Variants in LRRTM4 observed in about 807,000 individuals in gnomAD.
LRRTM4 encodes leucine rich repeat transmembrane neuronal 4, also known as leucine-rich repeat transmembrane neuronal protein 4.
LRRTM4 carries 25 observed loss-of-function variants against 47.6 expected under a neutral mutation model. The observed-to-expected ratio is 0.53, with a 90% CI of 0.38 to 0.73. LRRTM4 has a LOEUF of 0.73. Ranked by LOEUF, LRRTM4 falls within the 30% of genes least tolerant of loss-of-function variation. The pLI is 0.00. For synonymous variants in LRRTM4, 311 were observed against 269.5 expected, an observed-to-expected ratio of 1.15 and a Z score of -1.51; for missense variants, 638 against 713.4, an observed-to-expected ratio of 0.89 and a Z score of 1.20.
At chr2:77,302,689 T>G (rs551012847) in intron 3 of LRRTM4, among the ~76,000 whole-genome samples, 75 of 152,204 alleles carry the variant, frequency 4.9e-4, no homozygotes, top group Non-Finnish European at 9.1e-4. Context: ...TAGAAGAAGC[T>G]ACTTGATGTA....
intron 3 of LRRTM4, among the ~76,000 whole-genome samples, chr2:77,034,797 T>C (rs2104153250): frequency 6.6e-6 from 1 of 152,084 alleles, no homozygotes; most frequent in South Asian, 2.1e-4. Flanking sequence ...TATTCAGTAA[T>C]CTTTTGAGGG....
intron 3 of LRRTM4, among the ~76,000 whole-genome samples, chr2:77,430,567 C>CA (rs200356086): frequency 0.042 from 6,150 of 147,650 alleles, 513 homozygotes; most frequent in African/African-American, 0.15. Flanking sequence ...ACTAAAAATA[C>CA]AAAATTAGAC....
At chr2:77,442,946 G>T (rs4145833) in intron 3 of LRRTM4, among the ~76,000 whole-genome samples, 101,924 of 151,962 alleles carry the variant, frequency 0.67, 34,494 homozygotes, top group Admixed American at 0.74. Flanking sequence ...ATATAATCTG[G>T]GTACATCATT....
chr2:77,146,527 T>A (rs1296200829), intron 3 of LRRTM4, among the ~76,000 whole-genome samples: 1 of 152,118 alleles, frequency 6.6e-6, no homozygotes, highest in Non-Finnish European at 1.5e-5. Flanking sequence ...TTCAACTGAG[T>A]CTTTGAAAAT....
intron 3 of LRRTM4, among the ~76,000 whole-genome samples, chr2:77,121,670 T>A (rs2103956452): frequency 6.6e-6 from 1 of 151,916 alleles, no homozygotes; most frequent in Non-Finnish European, 1.5e-5. Flanking sequence ...CAACCAGGGA[T>A]TCAGAATGGC....
intron 3 of LRRTM4, among the ~76,000 whole-genome samples, chr2:76,829,826 T>C (rs527596817): frequency 1.4e-4 from 21 of 152,166 alleles, no homozygotes; most frequent in African/African-American, 5.1e-4. Context: ...TGCATTTTAA[T>C]TCATCAGGGT....
intron 3 of LRRTM4, among the ~76,000 whole-genome samples, chr2:77,424,826 T>C (rs1429596570): frequency 6.6e-6 from 1 of 152,222 alleles, no homozygotes; most frequent in South Asian, 2.1e-4. Context: ...TATATTTGGC[T>C]ATAGACCCAG....
chr2:76,764,449 G>A (rs1199490145), intron 3 of LRRTM4, among the ~76,000 whole-genome samples: 1 of 152,094 alleles, frequency 6.6e-6, no homozygotes, highest in Admixed American at 6.5e-5. Context: ...GGCTAACACG[G>A]TGAAACCCTG....
At chr2:76,903,004 C>G (rs928692912) in intron 3 of LRRTM4, among the ~76,000 whole-genome samples, 1 of 152,082 alleles carries the variant, frequency 6.6e-6, no homozygotes, top group Non-Finnish European at 1.5e-5. Flanking sequence ...AACTGTCAAT[C>G]AAATTCCACA....
rs185947830 is a variant in LRRTM4 at position 77,145,898 on chromosome 2, A to G, written c.1551+372420T>C. Reference sequence around the variant, plus strand: ...AAAATATATTCTGAGCATGTGTTTCAAAGATTATTATTCTTTCGAAAAAAA... The same window carrying G: ...AAAATATATTCTGAGCATGTGTTTCGAAGATTATTATTCTTTCGAAAAAAA... On this transcript the variant is annotated intron_variant, in intron 3 of 3. Transcript: ENST00000409884. 9.7e-4 allele frequency among the ~76,000 whole-genome samples: 148 copies of G among 152,302 alleles called. 3 individuals carry two copies. The East Asian group carries it at 0.023, about 24-fold the overall frequency.
At chr2:76,786,957 C>T (rs76258903) in intron 3 of LRRTM4, among the ~76,000 whole-genome samples, 2,633 of 151,984 alleles carry the variant, frequency 0.017, 72 homozygotes, top group African/African-American at 0.057. Context: ...TTGTTAGGCA[C>T]AAAATTTACC....
At chr2:76,966,510 C>T (rs1490401085) in intron 3 of LRRTM4, among the ~76,000 whole-genome samples, 1 of 151,408 alleles carries the variant, frequency 6.6e-6, no homozygotes, top group Non-Finnish European at 1.5e-5. Context: ...AAGGCTCTTT[C>T]ACTTCTAAAA....
intron 3 of LRRTM4, among the ~76,000 whole-genome samples, chr2:77,275,856 T>C (rs1676331871): frequency 6.6e-6 from 1 of 152,122 alleles, no homozygotes; most frequent in African/African-American, 2.4e-5. Context: ...TAAGAGCTTT[T>C]CTCAGTGGTT....
At chr2:77,477,962 A>T (rs1027578602) in intron 3 of LRRTM4, among the ~76,000 whole-genome samples, 1 of 143,718 alleles carries the variant, frequency 7.0e-6, no homozygotes, top group Non-Finnish European at 1.5e-5. Context: ...AAAGAAAGAA[A>T]GAAAGAAAAA....
chr2:77,368,345 C>A (rs988557879), intron 3 of LRRTM4, among the ~76,000 whole-genome samples: 1 of 151,620 alleles, frequency 6.6e-6, no homozygotes, highest in African/African-American at 2.4e-5. Flanking sequence ...GTGACATAGC[C>A]CATTATTAGA....
chr2:77,025,473 C>T (rs1678422911), intron 3 of LRRTM4, among the ~76,000 whole-genome samples: 1 of 152,094 alleles, frequency 6.6e-6, no homozygotes, highest in Non-Finnish European at 1.5e-5. Flanking sequence ...TTCTGGTTTC[C>T]TGCAACACAT....
At chr2:77,255,079 T>G (rs577980740) in intron 3 of LRRTM4, among the ~76,000 whole-genome samples, 1 of 151,986 alleles carries the variant, frequency 6.6e-6, no homozygotes, top group Admixed American at 6.6e-5. Context: ...GGTTTAAAAG[T>G]AAAAGTATAT....
At chr2:77,140,880 A>C (rs1007847137) in intron 3 of LRRTM4, among the ~76,000 whole-genome samples, 1 of 152,248 alleles carries the variant, frequency 6.6e-6, no homozygotes, top group African/African-American at 2.4e-5. Flanking sequence ...AATGCTCATC[A>C]TCACTGGCCA....
Position 77,018,704 on chromosome 2 carries a change from C to A in LRRTM4, c.1552-269788G>T, listed in dbSNP as rs1345601082. 2.0e-5 allele frequency among the ~76,000 whole-genome samples: 3 copies of A among 152,130 alleles called. No homozygotes were observed. The East Asian group carries it at 5.8e-4, about 29-fold the overall frequency. On this transcript the variant is annotated intron_variant, in intron 3 of 3. Transcript: ENST00000409884. ...CAGAAGTACAGCTGAAGGTTTACCA[C>A]AACTCAGAAAACTTTCTAACTAAAG...
Sources: gnomAD v4.1 joint callset for allele counts (sites outside exome capture counted in the v4.1 genomes callset) on GRCh38, gnomAD v4.1.1 for gene constraint, MANE v1.5 for transcripts, NCBI Gene and HGNC (gene_info 2026-07-23, HGNC 2026-07-21) for gene names.